Variants in SLC25A13 observed in about 807,000 individuals in gnomAD.
SLC25A13 encodes solute carrier family 25 member 13.
A neutral mutation model predicts 85.5 loss-of-function variants in SLC25A13; 70 were observed. The observed-to-expected ratio is 0.82, with a 90% CI of 0.68 to 1.00. The LOEUF is 1.00. Ranked by LOEUF, SLC25A13 falls within the 50% of genes least tolerant of loss-of-function variation. The probability of loss-of-function intolerance (pLI) is 0.00; values close to 1 mark genes in which losing one functional copy is unlikely to be tolerated. For synonymous variants in SLC25A13, 259 were observed against 288.7 expected (o/e 0.90, Z 1.04); for missense variants, 765 against 819.8 (o/e 0.93, Z 0.82).
chr7:96,283,494 T>C, intron 2 of SLC25A13: 1 of 412,902 alleles, frequency 2.4e-6, no homozygotes. Context: ...AGGGAATGAG[T>C]ACTGTTCAAA....
chr7:96,242,882 T>C (rs1244608582), intron 3 of SLC25A13, among the ~76,000 whole-genome samples: 1 of 152,242 alleles, frequency 6.6e-6, no homozygotes, highest in Non-Finnish European at 1.5e-5. Flanking sequence ...GGGCACATGT[T>C]CTCAGGATCT....
intron 13 of SLC25A13, among the ~76,000 whole-genome samples, chr7:96,169,492 A>G (rs561658046): frequency 1.3e-5 from 2 of 152,304 alleles, no homozygotes; most frequent in South Asian, 4.1e-4. Context: ...GAGCTTCAGA[A>G]CAAGATGCAA....
chr7:96,267,431 T>G (rs949070091), intron 3 of SLC25A13, among the ~76,000 whole-genome samples: 3 of 152,214 alleles, frequency 2.0e-5, no homozygotes, highest in African/African-American at 7.2e-5. Context: ...TAGATTTCTT[T>G]TTCATCTTTT....
intron 2 of SLC25A13, among the ~76,000 whole-genome samples, chr7:96,281,885 T>A (rs924725409): frequency 1.3e-4 from 20 of 152,148 alleles, no homozygotes; most frequent in Non-Finnish European, 2.6e-4. Flanking sequence ...TAAGTAAACA[T>A]GTCAAAGGTT....
chr7:96,204,623 A>G (rs957128555), intron 5 of SLC25A13, among the ~76,000 whole-genome samples: 4 of 152,226 alleles, frequency 2.6e-5, no homozygotes, highest in African/African-American at 9.6e-5. Context: ...TTATGCCACA[A>G]ACCTTTAAGG....
intron 3 of SLC25A13, among the ~76,000 whole-genome samples, chr7:96,275,182 A>C (rs1346935115): frequency 6.6e-6 from 1 of 152,122 alleles, no homozygotes; most frequent in African/African-American, 2.4e-5. Flanking sequence ...TATTTCATTG[A>C]GCAGTGGTTT....
At chr7:96,281,104 A>C (rs1562900471) in intron 2 of SLC25A13, among the ~76,000 whole-genome samples, 1 of 152,056 alleles carries the variant, frequency 6.6e-6, no homozygotes, top group Non-Finnish European at 1.5e-5. Flanking sequence ...GAAAAAACTA[A>C]CTCCAGCTGG....
chr7:96,247,918 G>A (rs1797264772), intron 3 of SLC25A13, among the ~76,000 whole-genome samples: 1 of 150,660 alleles, frequency 6.6e-6, no homozygotes, highest in Non-Finnish European at 1.5e-5. Flanking sequence ...GTTTATACAG[G>A]GTGTTCTAGA....
In SLC25A13 at chr7:96,224,323, G is replaced by A. The variant is rs563645467; in HGVS notation, c.328+10479C>T. On this transcript the variant is annotated intron_variant, in intron 4 of 17. Transcript: ENST00000265631. ...TCTGATCCTATCCCTGTCCTCCAAA[G>A]ACCTTGTAGTGACTCCTAATTGCTT... Among the ~76,000 whole-genome samples the A allele has an allele frequency of 5.3e-5, 8 of 152,252 alleles. No homozygotes were observed. The East Asian group carries it at 1.4e-3, about 26-fold the overall frequency.
chr7:96,273,296 G>C (rs1488273727), intron 3 of SLC25A13, among the ~76,000 whole-genome samples: 1 of 152,080 alleles, frequency 6.6e-6, no homozygotes, highest in Non-Finnish European at 1.5e-5. Flanking sequence ...ATAACTAACT[G>C]CAGTATAATC....
chr7:96,219,736 T>C (rs1452262066), intron 4 of SLC25A13: 2 of 534,564 alleles, frequency 3.7e-6, no homozygotes, highest in Admixed American at 3.9e-5. Flanking sequence ...TGAGAACCCA[T>C]GGTCTACCTC....
intron 14 of SLC25A13, among the ~76,000 whole-genome samples, chr7:96,136,934 C>T (rs558416716): frequency 6.6e-6 from 1 of 152,272 alleles, no homozygotes; most frequent in African/African-American, 2.4e-5. Context: ...GCTTCTGGCA[C>T]CTGTCGTCAG....
intron 7 of SLC25A13, 72 bp downstream of exon 7, chr7:96,191,037 G>A: frequency 1.3e-6 from 2 of 1,545,210 alleles, no homozygotes; most frequent in South Asian, 2.2e-5. Context: ...TAAAGTACTA[G>A]TTGCCTTCTT....
chr7:96,322,010 T>C lies in SLC25A13; in HGVS notation c.-54A>G, dbSNP rs1040471011. On this transcript the variant is annotated 5_prime_UTR_variant, in exon 1 of 18. Coordinates refer to ENST00000265631, the MANE Select transcript of SLC25A13 (RefSeq NM_014251.3). Reference sequence around the variant, plus strand: ...GACCCACTGACTGGCTGGCTGGCGTTTGGGACCCGGGCGGCTCACTTCTAG... The same window carrying C: ...GACCCACTGACTGGCTGGCTGGCGTCTGGGACCCGGGCGGCTCACTTCTAG... 4.6e-6 allele frequency: 7 copies of C among 1,531,404 alleles called. No individual in the cohort carries two copies. The highest frequency in any genetic ancestry group is 1.8e-4 in the Middle Eastern group (1 of 5,504). The allele number at this position is 1,531,404 out of a possible 1,614,324, so 94.9% of individuals were successfully genotyped here.
At position 96,314,107 on chromosome 7, in the gene SLC25A13, A is replaced by G. The variant is rs74854397; in HGVS notation, c.15+7835T>C. Among the ~76,000 whole-genome samples the G allele has an allele frequency of 1.1e-4, 17 of 152,022 alleles. No homozygotes were observed. In the East Asian group the frequency reaches 1.2e-3, roughly 10 times the overall value. On this transcript the variant is annotated intron_variant, in intron 1 of 17. Transcript: ENST00000265631. ...GAAAGAAGAAAGAAGAAGGAAGGAG[A>G]AGGAGGAGGAAGAAGGAGGAAGGAA...
At chr7:96,321,570 G>A (rs1013017020) in intron 1 of SLC25A13, among the ~76,000 whole-genome samples, 6 of 152,188 alleles carry the variant, frequency 3.9e-5, no homozygotes, top group African/African-American at 1.4e-4. Flanking sequence ...TCAGGAGCAG[G>A]AGCGCGCTGG....
chr7:96,179,574 C>A (rs564384762), intron 11 of SLC25A13, among the ~76,000 whole-genome samples: 1 of 152,310 alleles, frequency 6.6e-6, no homozygotes, highest in African/African-American at 2.4e-5. Flanking sequence ...GCTAACCCAA[C>A]AAATGATCTG....
At chr7:96,284,294 CA>C (rs1049477743) in intron 2 of SLC25A13, among the ~76,000 whole-genome samples, 1 of 152,024 alleles carries the variant, frequency 6.6e-6, no homozygotes, top group African/African-American at 2.4e-5. Flanking sequence ...ACAAAGATCA[CA>C]AGTTACTTTT....
At chr7:96,263,603 T>C (rs1486777444) in intron 3 of SLC25A13, among the ~76,000 whole-genome samples, 1 of 152,264 alleles carries the variant, frequency 6.6e-6, no homozygotes, top group East Asian at 1.9e-4. Context: ...GCATACCTCT[T>C]GTTTCTGTGA....
Sources: gnomAD v4.1 joint callset for allele counts (sites outside exome capture counted in the v4.1 genomes callset) on GRCh38, gnomAD v4.1.1 for gene constraint, MANE v1.5 for transcripts, NCBI Gene and HGNC (gene_info 2026-07-23, HGNC 2026-07-21) for gene names.